RNF182: variants seen among roughly 807,000 people sequenced by gnomAD.
RNF182 encodes E3 ubiquitin-protein ligase RNF182.
RNF182 carries 15 observed loss-of-function variants against 14.4 expected under a neutral mutation model. That is an observed-to-expected ratio of 1.04 (90% CI 0.70 to 1.60). The LOEUF (loss-of-function observed/expected upper bound fraction) is 1.60, where lower values mean the gene tolerates loss of function less well. RNF182 is among the 40% of genes most tolerant of loss of function. RNF182 has a pLI of 0.00. For missense variants in RNF182, 268 were observed against 294.8 expected (o/e 0.91, Z 0.67); for synonymous variants, 128 against 122.9 (o/e 1.04, Z -0.27).
At chr6:13,925,273 C>G (rs1277048469) in intron 1 of RNF182, 4 of 151,884 alleles carry the variant, frequency 2.6e-5, no homozygotes, top group Non-Finnish European at 5.9e-5. Context: ...TGCGGAGCGC[C>G]CGCGCGGGCT....
intron 2 of RNF182, among the ~76,000 whole-genome samples, chr6:13,975,044 AG>A (rs1166099671): frequency 6.6e-6 from 1 of 152,176 alleles, no homozygotes; most frequent in Non-Finnish European, 1.5e-5. Flanking sequence ...TGTGGCTACC[AG>A]GGGTACTGTT....
chr6:13,967,050 C>T (rs574504830), intron 1 of RNF182, among the ~76,000 whole-genome samples: 1 of 152,154 alleles, frequency 6.6e-6, no homozygotes, highest in African/African-American at 2.4e-5. Flanking sequence ...GTTTCCTAGG[C>T]TGGTCTCCAA....
chr6:13,960,646 GGA>G (rs1244684761), intron 1 of RNF182, among the ~76,000 whole-genome samples: 34 of 148,160 alleles, frequency 2.3e-4, no homozygotes, highest in African/African-American at 8.5e-4. Flanking sequence ...TTTGATGGAG[GGA>G]GAGAGAGAGT....
At chr6:13,976,328 A>G (rs115075369) in intron 2 of RNF182, among the ~76,000 whole-genome samples, 146 of 152,356 alleles carry the variant, frequency 9.6e-4, no homozygotes, top group African/African-American at 3.3e-3. Flanking sequence ...AAATGGAATA[A>G]TCAAACAATA....
At chr6:13,976,363 T>C (rs1374982605) in intron 2 of RNF182, among the ~76,000 whole-genome samples, 1 of 152,218 alleles carries the variant, frequency 6.6e-6, no homozygotes, top group African/African-American at 2.4e-5. Flanking sequence ...ACAGATTTCT[T>C]TACACTGAGA....
At chr6:13,926,791 GTT>G (rs59699777) in intron 1 of RNF182, among the ~76,000 whole-genome samples, 10 of 148,156 alleles carry the variant, frequency 6.7e-5, no homozygotes, top group East Asian at 4.0e-4. Flanking sequence ...GTGTGTGTGT[GTT>G]TTTTTTTTTT....
chr6:13,953,390 G>A (rs1429003153), intron 1 of RNF182, among the ~76,000 whole-genome samples: 1 of 152,294 alleles, frequency 6.6e-6, no homozygotes, highest in South Asian at 2.1e-4. Flanking sequence ...GTGTATGGTG[G>A]GGGGCAGAGG....
At position 13,977,749 on chromosome 6, in the gene RNF182, C is replaced by A. The variant is rs1760375092; in HGVS notation, c.630C>A (p.Thr210=). 1 of 1,613,958 alleles carries A rather than the reference C, an allele frequency of 6.2e-7. No individual in the cohort carries two copies. Among genetic ancestry groups the A allele is most frequent in the Non-Finnish European group, 8.5e-7 (1 of 1,180,010 alleles). ...ACTTACTGGTGTCTAAGAAAGTCACCCTTGGGGTCGTCTTTGTCAGCCTGG... is the reference window on the plus strand; with the variant it reads ...ACTTACTGGTGTCTAAGAAAGTCACACTTGGGGTCGTCTTTGTCAGCCTGG... ...GIYLLVSKKV[T]LGVVFVSLVP... The change falls in exon 3 of 3, where the codon ACC becomes ACA. Residue 210 remains threonine, a synonymous_variant. Coordinates refer to ENST00000488300, the MANE Select transcript of RNF182 (RefSeq NM_152737.4).
intron 1 of RNF182, among the ~76,000 whole-genome samples, chr6:13,936,549 A>G (rs901372534): frequency 6.6e-6 from 1 of 152,238 alleles, no homozygotes; most frequent in African/African-American, 2.4e-5. Context: ...CTCACATTGT[A>G]GAGTGGGAAA....
At chr6:13,943,466 T>G (rs1759350161) in intron 1 of RNF182, among the ~76,000 whole-genome samples, 1 of 152,172 alleles carries the variant, frequency 6.6e-6, no homozygotes, top group Admixed American at 6.5e-5. Flanking sequence ...GACTTTCTTT[T>G]TTTAACAGTA....
chr6:13,929,944 ATTC>A (rs1377509746), intron 1 of RNF182, among the ~76,000 whole-genome samples: 1 of 152,214 alleles, frequency 6.6e-6, no homozygotes, highest in Non-Finnish European at 1.5e-5. Flanking sequence ...ATGTACCAGT[ATTC>A]TTTTCTGTAC....
intron 1 of RNF182, among the ~76,000 whole-genome samples, chr6:13,955,697 G>A (rs1014844253): frequency 1.3e-5 from 2 of 152,122 alleles, no homozygotes; most frequent in African/African-American, 4.8e-5. Context: ...TACTGTTATT[G>A]TAAATTGTAT....
intron 1 of RNF182, among the ~76,000 whole-genome samples, chr6:13,959,961 C>A (rs2113627664): frequency 6.6e-6 from 1 of 151,386 alleles, no homozygotes; most frequent in South Asian, 2.1e-4. Context: ...GGAAAGAGTG[C>A]AAGCAAGGGC....
intron 1 of RNF182, among the ~76,000 whole-genome samples, chr6:13,938,909 C>T (rs182966667): frequency 5.4e-4 from 82 of 152,102 alleles, no homozygotes; most frequent in Admixed American, 3.3e-3. Flanking sequence ...ATGGTGAAAC[C>T]CCGTCTCTAC....
At chr6:13,976,010 A>G in intron 2 of RNF182, among the ~76,000 whole-genome samples, 1 of 152,358 alleles carries the variant, frequency 6.6e-6, no homozygotes, top group East Asian at 1.9e-4. Flanking sequence ...ATAACCAGTA[A>G]TAGTAATTAG....
chr6:13,954,083 A>G (rs139306293), intron 1 of RNF182, among the ~76,000 whole-genome samples: 162 of 152,318 alleles, frequency 1.1e-3, no homozygotes, highest in African/African-American at 3.7e-3. Flanking sequence ...CTTTTTACTT[A>G]TCACTCAGCC....
intron 1 of RNF182, chr6:13,961,685 T>C (rs752924546): frequency 1.9e-4 from 29 of 152,216 alleles, no homozygotes; most frequent in Non-Finnish European, 3.2e-4. Context: ...CTTCCAAAAT[T>C]AATAACTTAG....
intron 1 of RNF182, among the ~76,000 whole-genome samples, chr6:13,973,085 T>C (rs1391969716): frequency 3.3e-5 from 5 of 152,218 alleles, no homozygotes; most frequent in African/African-American, 1.2e-4. Context: ...ACCTCTTGCA[T>C]CAGCATGACC....
rs115193856 is a variant in RNF182 at position 13,945,282 on chromosome 6, G to A, written c.-367+20259G>A. On this transcript the variant is annotated intron_variant, in intron 1 of 2. Coordinates refer to ENST00000488300, the MANE Select transcript of RNF182 (RefSeq NM_152737.4). ...GGGCTTGATTTAGCCAAAAATTATT[G>A]TGGCCCACTTTAGGGATTTACCCTC... Among the ~76,000 whole-genome samples, 1,157 of 152,246 alleles carry A rather than the reference G, an allele frequency of 7.6e-3. 9 individuals are homozygous for A. Among genetic ancestry groups the A allele is most frequent in the South Asian group, 0.021 (99 of 4,820 alleles).
Sources: allele counts gnomAD v4.1 joint callset (sites outside exome capture counted in the v4.1 genomes callset), GRCh38; gene constraint gnomAD v4.1.1; transcripts MANE v1.5; gene names NCBI Gene and HGNC (gene_info 2026-07-23, HGNC 2026-07-21).